Variants in PEPD observed in about 807,000 individuals in gnomAD.
The protein encoded by PEPD is xaa-Pro dipeptidase.
In PEPD, 53 loss-of-function variants were observed where a neutral mutation model predicts 60.7. That is an observed-to-expected ratio of 0.87 (90% CI 0.70 to 1.10). The LOEUF (loss-of-function observed/expected upper bound fraction) is 1.10, where lower values mean the gene tolerates loss of function less well. Among genes scored for constraint, PEPD ranks in the 50% least tolerant of loss-of-function variants. The probability of loss-of-function intolerance (pLI) is 0.00; values close to 1 mark genes in which losing one functional copy is unlikely to be tolerated. For missense variants in PEPD, 711 were observed against 711.9 expected, an observed-to-expected ratio of 1.00 and a Z score of 0.01; for synonymous variants, 267 against 284.1, an observed-to-expected ratio of 0.94 and a Z score of 0.60.
intron 9 of PEPD, among the ~76,000 whole-genome samples, chr19:33,437,406 A>G (rs1372833423): frequency 6.6e-6 from 1 of 151,734 alleles, no homozygotes; most frequent in Non-Finnish European, 1.5e-5. Flanking sequence ...TTCAACAGCC[A>G]CACGAGATGC....
chr19:33,393,050 G>C (rs976140343), intron 12 of PEPD, among the ~76,000 whole-genome samples: 1 of 151,940 alleles, frequency 6.6e-6, no homozygotes, highest in Non-Finnish European at 1.5e-5. Context: ...AAGGGTGGCA[G>C]GGGTGGAGAT....
At chr19:33,512,442 A>T in intron 2 of PEPD, 151 bp downstream of exon 2, 1 of 727,384 alleles carries the variant, frequency 1.4e-6, no homozygotes, top group Non-Finnish European at 2.3e-6. Flanking sequence ...TACATCTTCA[A>T]GGAGCCCCTG....
chr19:33,438,754 C>T (rs184017224), intron 9 of PEPD, among the ~76,000 whole-genome samples: 2 of 152,374 alleles, frequency 1.3e-5, no homozygotes, highest in Non-Finnish European at 2.9e-5. Context: ...CTCATTCTGT[C>T]GCCCAGGCTG....
intron 9 of PEPD, among the ~76,000 whole-genome samples, chr19:33,414,625 C>T (rs938171549): frequency 6.8e-5 from 10 of 147,960 alleles, no homozygotes; most frequent in African/African-American, 2.0e-4. Flanking sequence ...GTTGCGGCCG[C>T]CCAAGGGCAC....
chr19:33,440,976 C>T (rs1969470472), intron 9 of PEPD, among the ~76,000 whole-genome samples: 3 of 152,182 alleles, frequency 2.0e-5, no homozygotes, highest in Admixed American at 2.0e-4. Context: ...GATGGGCACC[C>T]ATCAGCCTGC....
intron 6 of PEPD, among the ~76,000 whole-genome samples, chr19:33,480,421 G>A (rs1267642623): frequency 2.0e-5 from 3 of 152,190 alleles, no homozygotes; most frequent in Non-Finnish European, 4.4e-5. Flanking sequence ...AAATTGGAGA[G>A]AGAAACTGAC....
chr19:33,480,567 CGGGTG>C lies in PEPD; in HGVS notation c.504-2482_504-2478del, dbSNP rs1568492833. On this transcript the variant is annotated intron_variant, in intron 6 of 14. Coordinates refer to ENST00000244137, the MANE Select transcript of PEPD (RefSeq NM_000285.4). Reference sequence around the variant, plus strand: ...ATCGCAGCACTTTGGGAGGCCAAGGCGGGTGGATCACGAGGTCAGGAGATCCAGAC... The same window carrying C: ...ATCGCAGCACTTTGGGAGGCCAAGGCGATCACGAGGTCAGGAGATCCAGAC... 1.3e-4 allele frequency among the ~76,000 whole-genome samples: 20 copies of C among 152,066 alleles called. 1 individual carries two copies. Among genetic ancestry groups the C allele is most frequent in the African/African-American group, 3.1e-4 (13 of 41,398 alleles).
At chr19:33,502,304 G>A (rs1018130992) in intron 3 of PEPD, among the ~76,000 whole-genome samples, 16 of 152,194 alleles carry the variant, frequency 1.1e-4, no homozygotes, top group Non-Finnish European at 4.4e-5. Context: ...CAGTCACCAG[G>A]TGCTGGGTCC....
rs1568486086 is a variant in PEPD at position 33,466,774 on chromosome 19, TAAAAA to T, written c.549-2717_549-2713del. ...GTACTAATGAAAAAAAAAAAAGAAA[TAAAAA>T]TTTTTTTCTAATAAAAAAACCATTC... On this transcript the variant is annotated intron_variant, in intron 7 of 14. Coordinates refer to ENST00000244137, the MANE Select transcript of PEPD (RefSeq NM_000285.4). Among the ~76,000 whole-genome samples the T allele has an allele frequency of 1.2e-3, 138 of 119,238 alleles. 1 individual carries two copies. The highest frequency in any genetic ancestry group is 5.4e-3 in the South Asian group (20 of 3,682). 78.2% of individuals were successfully genotyped at this position (119,238 alleles called of 152,430 possible).
At chr19:33,446,105 G>C (rs916342526) in intron 9 of PEPD, among the ~76,000 whole-genome samples, 2 of 152,070 alleles carry the variant, frequency 1.3e-5, no homozygotes, top group African/African-American at 4.8e-5. Context: ...TCAAAAGACA[G>C]TCACTACTCA....
intron 6 of PEPD, among the ~76,000 whole-genome samples, chr19:33,478,837 A>G (rs1970266912): frequency 6.6e-6 from 1 of 152,250 alleles, no homozygotes; most frequent in Non-Finnish European, 1.5e-5. Context: ...TGTTTCAAAT[A>G]AAATGAAAAG....
At chr19:33,441,149 G>C (rs1473247139) in intron 9 of PEPD, among the ~76,000 whole-genome samples, 1 of 152,224 alleles carries the variant, frequency 6.6e-6, no homozygotes, top group Non-Finnish European at 1.5e-5. Context: ...ATCCTGAAGG[G>C]ATGATGAGCC....
rs376338457 is a variant in PEPD, at chr19:33,411,711, C to T, written c.779G>A (p.Gly260Glu). Residue 260 changes from glycine to glutamate, a missense_variant, in exon 11 of 15, where the codon GGA becomes GAA. By Grantham distance (98) the Gly-to-Glu change is moderately conservative. Coordinates refer to ENST00000244137, the MANE Select transcript of PEPD (RefSeq NM_000285.4). Reference sequence around the variant, plus strand: ...CTGGATCGTTCGGTCGTTGGGAGCTCCGGCGTGTCCGTAGTGTAGCACGGC... The same window carrying T: ...CTGGATCGTTCGGTCGTTGGGAGCTTCGGCGTGTCCGTAGTGTAGCACGGC... The part of the protein sequence containing the change: ...NSAVLHYGHA[G>E]APNDRTIQNG... 4 of 1,611,368 alleles carry T rather than the reference C, an allele frequency of 2.5e-6. No homozygotes were observed. The highest frequency in any genetic ancestry group is 2.5e-6 in the Non-Finnish European group (3 of 1,177,930).
At chr19:33,402,403 C>T (rs770665369) in intron 11 of PEPD, among the ~76,000 whole-genome samples, 5 of 152,118 alleles carry the variant, frequency 3.3e-5, no homozygotes, top group African/African-American at 4.8e-5. Context: ...CCTAGAACTC[C>T]GGGCCTGAAT....
At chr19:33,474,131 G>A (rs982058440) in intron 7 of PEPD, among the ~76,000 whole-genome samples, 7 of 152,038 alleles carry the variant, frequency 4.6e-5, no homozygotes, top group Non-Finnish European at 8.8e-5. Context: ...CTATACCCTG[G>A]CCCCAGCACA....
chr19:33,434,467 T>C (rs1483162258), intron 9 of PEPD, among the ~76,000 whole-genome samples: 1 of 152,132 alleles, frequency 6.6e-6, no homozygotes, highest in Non-Finnish European at 1.5e-5. Context: ...CATCACTTTG[T>C]GGGCCTAGGC....
chr19:33,410,560 CCATCATGGG>C, intron 11 of PEPD, among the ~76,000 whole-genome samples: 1 of 152,312 alleles, frequency 6.6e-6, no homozygotes, highest in East Asian at 1.9e-4. Flanking sequence ...CGGTGAGCAG[CCATCATGGG>C]AACTCCCGCT....
At chr19:33,415,733 G>T (rs1968875475) in intron 9 of PEPD, among the ~76,000 whole-genome samples, 1 of 152,194 alleles carries the variant, frequency 6.6e-6, no homozygotes, top group Non-Finnish European at 1.5e-5. Context: ...GTTTTCACCT[G>T]CAAAGTGCAG....
At chr19:33,401,636 G>A (rs1968492159) in intron 12 of PEPD, 85 bp downstream of exon 12, 1 of 1,274,194 alleles carries the variant, frequency 7.8e-7, no homozygotes, top group Non-Finnish European at 1.1e-6. Context: ...ACACAATGCA[G>A]ACCCGTTCCC....
Sources: gnomAD v4.1 joint callset for allele counts (sites outside exome capture counted in the v4.1 genomes callset) on GRCh38, gnomAD v4.1.1 for gene constraint, MANE v1.5 for transcripts, NCBI Gene and HGNC (gene_info 2026-07-23, HGNC 2026-07-21) for gene names.